The following SCFD2 variants were observed in gnomAD, a reference collection of about 807,000 sequenced individuals.
SCFD2 encodes the protein sec1 family domain containing 2, also known as sec1 family domain-containing protein 2.
In SCFD2, 54 loss-of-function variants were observed where a neutral mutation model predicts 58.9. The observed-to-expected ratio is 0.92, with a 90% CI of 0.74 to 1.15. SCFD2 has a LOEUF of 1.15. Among genes scored for constraint, SCFD2 ranks in the 50% most tolerant of loss-of-function variants. The probability of loss-of-function intolerance (pLI) is 0.00; values close to 1 mark genes in which losing one functional copy is unlikely to be tolerated. For synonymous variants in SCFD2, 321 were observed against 335.9 expected (o/e 0.96, Z 0.49); for missense variants, 805 against 836.6 (o/e 0.96, Z 0.47).
At chr4:52,908,606 C>A (rs1719406447) in intron 6 of SCFD2, among the ~76,000 whole-genome samples, 1 of 152,190 alleles carries the variant, frequency 6.6e-6, no homozygotes, top group African/African-American at 2.4e-5. Flanking sequence ...TCTGTAGCAA[C>A]TGTCAAGGAT....
chr4:53,177,504 A>T (rs978838100), intron 4 of SCFD2, among the ~76,000 whole-genome samples: 3 of 152,266 alleles, frequency 2.0e-5, no homozygotes, highest in African/African-American at 7.2e-5. Flanking sequence ...AATAAAAAAC[A>T]ATAAGAAATG....
intron 2 of SCFD2, among the ~76,000 whole-genome samples, chr4:53,345,660 T>C (rs1434313067): frequency 1.3e-5 from 2 of 152,196 alleles, no homozygotes; most frequent in Non-Finnish European, 1.5e-5. Context: ...ATGTTTATTG[T>C]GGCACTATTT....
At chr4:53,124,477 G>C (rs2148894660) in intron 5 of SCFD2, among the ~76,000 whole-genome samples, 1 of 152,256 alleles carries the variant, frequency 6.6e-6, no homozygotes, top group African/African-American at 2.4e-5. Flanking sequence ...AAGAAAAATA[G>C]GAGACTCAAT....
chr4:52,888,167 C>T (rs1321242392), intron 7 of SCFD2, among the ~76,000 whole-genome samples: 2 of 152,120 alleles, frequency 1.3e-5, no homozygotes, highest in Non-Finnish European at 2.9e-5. Context: ...GCCTCGGCCT[C>T]CCAATCAACA....
rs374835467 is a variant in SCFD2, at chr4:53,352,760, A to G, written c.845T>C (p.Val282Ala). The change falls in exon 2 of 9, where the codon GTT becomes GCT. Residue 282 changes from valine to alanine, a missense_variant. Val to Ala is a moderately conservative substitution (Grantham distance 64). Transcript: ENST00000401642. ...VDRTLDLTGA[V>A]GHHGDNLVEK... ...TACTAAGTTGTCTCCATGATGTCCA[A>G]CTGCTCCTGTTTAAGCAGACAAGAT... 3.8e-5 allele frequency: 62 copies of G among 1,613,434 alleles called. No homozygotes were observed. The Admixed American group carries it at 8.8e-4, about 23-fold the overall frequency.
In SCFD2 at chr4:52,964,268, A is replaced by T. The variant is rs1720913002; in HGVS notation, c.1562-43398T>A. ...AACTAGGTCAGGAATATTTCTGCCT[A>T]TTGTTAGTTGCTTAAGTTCTGGGCT... On this transcript the variant is annotated intron_variant, in intron 5 of 8. Coordinates refer to ENST00000401642, the MANE Select transcript of SCFD2 (RefSeq NM_152540.4). 2.0e-5 allele frequency among the ~76,000 whole-genome samples: 3 copies of T among 152,168 alleles called. No individual in the cohort carries two copies. The South Asian group carries it at 6.2e-4, about 32-fold the overall frequency.
At chr4:53,202,130 G>C (rs1728262900) in intron 4 of SCFD2, among the ~76,000 whole-genome samples, 1 of 152,010 alleles carries the variant, frequency 6.6e-6, no homozygotes, top group Admixed American at 6.6e-5. Context: ...TATTGCCTAG[G>C]TTTTCTTCTA....
chr4:53,326,335 G>C (rs1415350197), intron 2 of SCFD2, among the ~76,000 whole-genome samples: 1 of 152,104 alleles, frequency 6.6e-6, no homozygotes, highest in Non-Finnish European at 1.5e-5. Flanking sequence ...TAGTGACAGT[G>C]TTTCACCGTG....
chr4:52,923,322 C>T (rs895368372), intron 5 of SCFD2, among the ~76,000 whole-genome samples: 2 of 151,782 alleles, frequency 1.3e-5, no homozygotes, highest in Admixed American at 6.6e-5. Context: ...ACAAAAAATG[C>T]TAAAATTAGC....
chr4:53,224,160 G>A (rs553994717), intron 4 of SCFD2, among the ~76,000 whole-genome samples: 1 of 152,256 alleles, frequency 6.6e-6, no homozygotes, highest in Non-Finnish European at 1.5e-5. Context: ...GGAGGCCGAG[G>A]CGGGTGGATC....
chr4:53,233,236 G>C (rs559838213), intron 4 of SCFD2, among the ~76,000 whole-genome samples: 27 of 152,228 alleles, frequency 1.8e-4, no homozygotes, highest in African/African-American at 6.5e-4. Context: ...AAAAATCCTA[G>C]CACCACTGGG....
At chr4:52,917,129 A>T (rs1250468411) in intron 6 of SCFD2, among the ~76,000 whole-genome samples, 1 of 151,792 alleles carries the variant, frequency 6.6e-6, no homozygotes, top group East Asian at 1.9e-4. Flanking sequence ...CTGGTCTTGA[A>T]CTCCTAGCCT....
At chr4:53,179,878 C>G (rs1461282988) in intron 4 of SCFD2, among the ~76,000 whole-genome samples, 2 of 152,126 alleles carry the variant, frequency 1.3e-5, no homozygotes, top group African/African-American at 2.4e-5. Context: ...AGACTTTAAA[C>G]CCACAAAGAT....
chr4:52,922,481 A>T lies in SCFD2; in HGVS notation c.1562-1611T>A, dbSNP rs543533657. The stretch of plus-strand genomic sequence containing the variant: ...TGACTGGCTTCTTTCACTTATTGTA[A>T]TGTTTTCAGGGTTCATCCAAGTTGT... On this transcript the variant is annotated intron_variant, in intron 5 of 8. Transcript: ENST00000401642. Among the ~76,000 whole-genome samples, 24 of 152,166 alleles carry T rather than the reference A, an allele frequency of 1.6e-4. No individual in the cohort carries two copies. In the South Asian group the frequency reaches 4.8e-3, roughly 30 times the overall value.
intron 3 of SCFD2, among the ~76,000 whole-genome samples, chr4:53,311,820 G>A (rs1262078208): frequency 1.3e-5 from 2 of 151,956 alleles, no homozygotes; most frequent in South Asian, 2.1e-4. Context: ...ATTTTTAGTA[G>A]AGACAGGGTT....
chr4:53,335,220 A>C (rs1315571256), intron 2 of SCFD2, among the ~76,000 whole-genome samples: 164 of 149,580 alleles, frequency 1.1e-3, no homozygotes, highest in South Asian at 3.6e-3. Flanking sequence ...AAAACAACAA[A>C]AAAAAAAACA....
chr4:53,146,781 T>A (rs1305973159), intron 4 of SCFD2, among the ~76,000 whole-genome samples: 1 of 152,188 alleles, frequency 6.6e-6, no homozygotes, highest in African/African-American at 2.4e-5. Context: ...AAACTTTTAG[T>A]ATAGTATATT....
intron 4 of SCFD2, among the ~76,000 whole-genome samples, chr4:53,224,595 C>T (rs1040042551): frequency 5.9e-5 from 9 of 152,164 alleles, no homozygotes; most frequent in Non-Finnish European, 1.3e-4. Context: ...GATCATCTCT[C>T]TACAAGCTGA....
intron 3 of SCFD2, among the ~76,000 whole-genome samples, chr4:53,286,026 G>A (rs1450592955): frequency 1.3e-5 from 2 of 152,140 alleles, no homozygotes; most frequent in Non-Finnish European, 2.9e-5. Flanking sequence ...TTCTCTGGGG[G>A]AAGAGTAGCC....
Sources: allele counts gnomAD v4.1 joint callset (sites outside exome capture counted in the v4.1 genomes callset), GRCh38; gene constraint gnomAD v4.1.1; transcripts MANE v1.5; gene names NCBI Gene and HGNC (gene_info 2026-07-23, HGNC 2026-07-21).